The following LRRTM4 variants were observed in gnomAD, a reference collection of about 807,000 sequenced individuals.
LRRTM4 encodes leucine-rich repeat transmembrane neuronal protein 4.
LRRTM4 carries 25 observed loss-of-function variants against 47.6 expected under a neutral mutation model. The ratio of observed to expected loss-of-function variants is 0.53; its 90% CI spans 0.38 to 0.73. The LOEUF (loss-of-function observed/expected upper bound fraction) is 0.73. LRRTM4 is among the 30% of genes least tolerant of loss of function. LRRTM4 has a pLI of 0.00. For missense variants in LRRTM4, 638 were observed against 713.4 expected, an observed-to-expected ratio of 0.89 and a Z score of 1.20; for synonymous variants, 311 against 269.5, an observed-to-expected ratio of 1.15 and a Z score of -1.51.
rs1386122303 is a variant in LRRTM4 at position 76,985,409 on chromosome 2, C to T, written c.1552-236493G>A. Among the ~76,000 whole-genome samples the T allele has an allele frequency of 1.3e-5, 2 of 151,934 alleles. 1 individual carries two copies. The highest frequency in any genetic ancestry group is 4.1e-4 in the South Asian group (2 of 4,828). Reference sequence around the variant, plus strand: ...GCCCCAGTGGGATAGCATTTCTTTCCGTTCGTCTGCTAACACCACAGAAAA... The same window carrying T: ...GCCCCAGTGGGATAGCATTTCTTTCTGTTCGTCTGCTAACACCACAGAAAA... On this transcript the variant is annotated intron_variant, in intron 3 of 3. Transcript: ENST00000409884.
At chr2:77,412,324 G>A (rs1674475306) in intron 3 of LRRTM4, among the ~76,000 whole-genome samples, 1 of 152,150 alleles carries the variant, frequency 6.6e-6, no homozygotes, top group South Asian at 2.1e-4. Context: ...AGCAGATGGT[G>A]GGATAAAAGT....
intron 3 of LRRTM4, among the ~76,000 whole-genome samples, chr2:77,101,264 A>G (rs1670945845): frequency 6.6e-6 from 1 of 152,220 alleles, no homozygotes; most frequent in Non-Finnish European, 1.5e-5. Flanking sequence ...TGGTAAATAA[A>G]GCATTTGCTT....
intron 3 of LRRTM4, among the ~76,000 whole-genome samples, chr2:77,362,006 T>C (rs918300330): frequency 2.0e-5 from 3 of 151,786 alleles, no homozygotes; most frequent in African/African-American, 7.3e-5. Context: ...GGAGAATCAC[T>C]TGGCTCCAGG....
chr2:77,030,658 G>C (rs980960721), intron 3 of LRRTM4, among the ~76,000 whole-genome samples: 1 of 152,030 alleles, frequency 6.6e-6, no homozygotes, highest in African/African-American at 2.4e-5. Context: ...AAGACTCCTT[G>C]ATAAAGAACA....
intron 3 of LRRTM4, among the ~76,000 whole-genome samples, chr2:77,238,719 T>A (rs1329452462): frequency 1.3e-5 from 2 of 151,844 alleles, no homozygotes; most frequent in Admixed American, 6.6e-5. Flanking sequence ...AAAACACATA[T>A]ACAGACAGAA....
intron 3 of LRRTM4, among the ~76,000 whole-genome samples, chr2:77,159,822 C>A (rs1446454170): frequency 6.6e-6 from 1 of 152,094 alleles, no homozygotes; most frequent in Non-Finnish European, 1.5e-5. Flanking sequence ...AAAAATGTTT[C>A]TGTATGGTAA....
chr2:77,104,333 A>G (rs1329006998), intron 3 of LRRTM4, among the ~76,000 whole-genome samples: 1 of 152,072 alleles, frequency 6.6e-6, no homozygotes, highest in African/African-American at 2.4e-5. Context: ...TCCCTCGTCA[A>G]TTCACTCTCC....
At chr2:76,813,762 T>G (rs977970295) in intron 3 of LRRTM4, among the ~76,000 whole-genome samples, 1 of 152,088 alleles carries the variant, frequency 6.6e-6, no homozygotes, top group African/African-American at 2.4e-5. Flanking sequence ...ATAAACCTTT[T>G]TAAGAATAGT....
chr2:77,392,557 C>T (rs1007026521), intron 3 of LRRTM4, among the ~76,000 whole-genome samples: 1 of 151,998 alleles, frequency 6.6e-6, no homozygotes, highest in African/African-American at 2.4e-5. Context: ...AGAAGTAAAT[C>T]CGGTCATCTG....
At chr2:77,187,574 T>G (rs149600093) in intron 3 of LRRTM4, among the ~76,000 whole-genome samples, 9,236 of 151,850 alleles carry the variant, frequency 0.061, 642 homozygotes, top group African/African-American at 0.17. Flanking sequence ...TGTATACATA[T>G]GTAACAAACC....
intron 3 of LRRTM4, among the ~76,000 whole-genome samples, chr2:77,170,783 C>G (rs544717643): frequency 0.049 from 4,243 of 86,990 alleles, 212 homozygotes; most frequent in African/African-American, 0.15. Flanking sequence ...GAATTTCTTT[C>G]TTAGTTTTTT....
rs562880468 is a variant in LRRTM4 at position 77,249,428 on chromosome 2, A to G, written c.1551+268890T>C. Among the ~76,000 whole-genome samples, 210 of 152,236 alleles carry G rather than the reference A, an allele frequency of 1.4e-3. 2 individuals are homozygous for G. The highest frequency in any genetic ancestry group is 5.0e-3 in the African/African-American group (208 of 41,554). On this transcript the variant is annotated intron_variant, in intron 3 of 3. Coordinates refer to ENST00000409884, the MANE Select transcript of LRRTM4 (RefSeq NM_001134745.3). The stretch of plus-strand genomic sequence containing the variant: ...TGCCAAGAGTATGAAATGAGAAGCC[A>G]CAAACCGTAGGAAAATATTTGCAAA...
At chr2:76,874,324 CATTTA>C (rs754102217) in intron 3 of LRRTM4, among the ~76,000 whole-genome samples, 1 of 151,966 alleles carries the variant, frequency 6.6e-6, no homozygotes, top group African/African-American at 2.4e-5. Context: ...CTCAACACCA[CATTTA>C]ATTTGTCTGA....
chr2:77,521,837 C>T lies in LRRTM4; in HGVS notation c.-147-19G>A. The T allele has an allele frequency of 6.4e-6, 1 of 155,186 alleles. No homozygotes were observed. Among genetic ancestry groups the T allele is most frequent in the Non-Finnish European group, 1.1e-5 (1 of 90,520 alleles). The allele number at this position is 155,186 out of a possible 1,614,324, so 9.6% of individuals were successfully genotyped here. ...ATACAAACTTCCCCGAGAGGACAGG[C>T]AAAAAAAAAAAAAAAAAATACATAT... On this transcript the variant is annotated intron_variant, in intron 1 of 3. Transcript: ENST00000409884.
intron 3 of LRRTM4, among the ~76,000 whole-genome samples, chr2:77,292,576 T>G (rs1195163031): frequency 6.6e-6 from 1 of 151,634 alleles, no homozygotes; most frequent in Non-Finnish European, 1.5e-5. Context: ...AAATCATCAT[T>G]CTCAGTAAAC....
chr2:77,006,668 G>A (rs1677662344), intron 3 of LRRTM4, among the ~76,000 whole-genome samples: 1 of 152,124 alleles, frequency 6.6e-6, no homozygotes, highest in Non-Finnish European at 1.5e-5. Context: ...CTAGACTTCT[G>A]GGGATCATGG....
intron 3 of LRRTM4, among the ~76,000 whole-genome samples, chr2:77,071,487 G>A (rs1026760143): frequency 6.6e-6 from 1 of 151,986 alleles, no homozygotes; most frequent in Non-Finnish European, 1.5e-5. Flanking sequence ...AATATTTTAA[G>A]TGTATTGAAA....
At chr2:76,793,608 G>A (rs1573113288) in intron 3 of LRRTM4, among the ~76,000 whole-genome samples, 1 of 30,248 alleles carries the variant, frequency 3.3e-5, no homozygotes, top group East Asian at 3.0e-3. Flanking sequence ...CTCTCGGTAA[G>A]TTAAGTTTTG....
intron 3 of LRRTM4, among the ~76,000 whole-genome samples, chr2:77,117,235 C>G (rs1051504466): frequency 1.5e-4 from 22 of 151,676 alleles, no homozygotes; most frequent in African/African-American, 4.4e-4. Flanking sequence ...CATATGTTTT[C>G]AAATATCTAT....
Sources: gnomAD v4.1 joint callset for allele counts (sites outside exome capture counted in the v4.1 genomes callset) on GRCh38, gnomAD v4.1.1 for gene constraint, MANE v1.5 for transcripts, NCBI Gene and HGNC (gene_info 2026-07-23, HGNC 2026-07-21) for gene names.